GRM5: variants seen among roughly 807,000 people sequenced by gnomAD.
GRM5 encodes the protein metabotropic glutamate receptor 5.
GRM5 carries 19 observed loss-of-function variants against 83.1 expected under a neutral mutation model. That is an observed-to-expected ratio of 0.23 (90% CI 0.16 to 0.34). The LOEUF is 0.34. GRM5 is among the 10% of genes least tolerant of loss of function. The probability of loss-of-function intolerance (pLI) is 1.00; values close to 1 mark genes in which losing one functional copy is unlikely to be tolerated. For synonymous variants in GRM5, 675 were observed against 633.6 expected (o/e 1.07, Z -0.98); for missense variants, 1,160 against 1,588.3 (o/e 0.73, Z 4.58).
intron 8 of GRM5, among the ~76,000 whole-genome samples, chr11:88,534,810 T>C (rs1310066960): frequency 6.6e-6 from 1 of 152,172 alleles, no homozygotes; most frequent in East Asian, 1.9e-4. Flanking sequence ...ATGATTCCCA[T>C]GTGTTGTGGG....
intron 3 of GRM5, among the ~76,000 whole-genome samples, chr11:88,706,776 T>C (rs1260785138): frequency 2.0e-5 from 3 of 151,716 alleles, no homozygotes; most frequent in Non-Finnish European, 4.4e-5. Flanking sequence ...ATGCTTATAA[T>C]TCCTCAACAT....
Position 89,047,330 on chromosome 11 carries a change from G to A in GRM5, c.543C>T (p.Asp181=). ...AYSATSMDLS[D]KTLFKYFMRV... ...TCATGAAATATTTGAACAGAGTCTT[G>A]TCACTCAGATCCATGCTGGTTGCTG... Residue 181 remains aspartate, a synonymous_variant, in exon 2 of 10, where the codon GAC becomes GAT. Transcript: ENST00000305447. This position sits in a 1 kb window ranked among gnomAD's most constrained non-coding sequence, Gnocchi z 5.1. 6.2e-7 allele frequency: 1 copy of A among 1,613,896 alleles called. No individual in the cohort carries two copies. Among genetic ancestry groups the A allele is most frequent in the South Asian group, 1.1e-5 (1 of 91,066 alleles).
At chr11:88,577,438 T>C (rs1222614588) in intron 7 of GRM5, among the ~76,000 whole-genome samples, 1 of 152,146 alleles carries the variant, frequency 6.6e-6, no homozygotes, top group Non-Finnish European at 1.5e-5. Context: ...ACAGCACAGC[T>C]ACAGCATTTC....
In GRM5 at chr11:89,034,714, T is replaced by C. The variant is rs564440445; in HGVS notation, c.661+12498A>G. 4.6e-5 allele frequency among the ~76,000 whole-genome samples: 7 copies of C among 151,936 alleles called. No homozygotes were observed. The East Asian group carries it at 5.8e-4, about 13-fold the overall frequency. Reference sequence around the variant, plus strand: ...TGCTTTCATGGACTATATATTTGCATTGAAATGCAAATATCTGTATTTCAT... The same window carrying C: ...TGCTTTCATGGACTATATATTTGCACTGAAATGCAAATATCTGTATTTCAT... On this transcript the variant is annotated intron_variant, in intron 2 of 9. Transcript: ENST00000305447.
At chr11:89,028,098 C>T (rs1466337623) in intron 2 of GRM5, among the ~76,000 whole-genome samples, 1 of 152,166 alleles carries the variant, frequency 6.6e-6, no homozygotes, top group Non-Finnish European at 1.5e-5. Flanking sequence ...GATACTGGAC[C>T]TTCCAGCCAA....
intron 2 of GRM5, among the ~76,000 whole-genome samples, chr11:88,944,374 T>G (rs568927613): frequency 6.6e-6 from 1 of 152,068 alleles, no homozygotes; most frequent in South Asian, 2.1e-4. Context: ...GTTGTTAAAT[T>G]ATTCCTTTAT....
At chr11:89,049,475 C>T (rs1284613501) in intron 1 of GRM5, among the ~76,000 whole-genome samples, 1 of 152,140 alleles carries the variant, frequency 6.6e-6, no homozygotes, top group Admixed American at 6.5e-5. Context: ...CTTTCAAATA[C>T]AGGTGATGTT....
chr11:88,596,183 A>G (rs1013916342), intron 6 of GRM5, among the ~76,000 whole-genome samples: 2 of 151,948 alleles, frequency 1.3e-5, no homozygotes, highest in Non-Finnish European at 2.9e-5. Flanking sequence ...ATCTTCCACA[A>G]CTCGGCATCA....
At chr11:88,833,418 C>CA (rs1944034166) in intron 3 of GRM5, among the ~76,000 whole-genome samples, 1 of 151,852 alleles carries the variant, frequency 6.6e-6, no homozygotes, top group African/African-American at 2.4e-5. Flanking sequence ...AAATGTAAGT[C>CA]AAAACCACAG....
intron 2 of GRM5, among the ~76,000 whole-genome samples, chr11:88,926,861 C>T (rs1945798269): frequency 1.3e-5 from 2 of 152,168 alleles, no homozygotes; most frequent in South Asian, 4.1e-4. Flanking sequence ...TCAGCAAATA[C>T]TTGTTCAATG....
chr11:88,739,476 T>C (rs1049528050), intron 3 of GRM5, among the ~76,000 whole-genome samples: 2 of 152,116 alleles, frequency 1.3e-5, no homozygotes, highest in Admixed American at 1.3e-4. Flanking sequence ...TTTCAGCCTT[T>C]CTTTGTTTTT....
chr11:88,561,731 C>A (rs1942759194), intron 8 of GRM5, among the ~76,000 whole-genome samples: 1 of 152,080 alleles, frequency 6.6e-6, no homozygotes, highest in South Asian at 2.1e-4. Context: ...ACATTGATGG[C>A]ATAAATAGCA....
At chr11:88,536,299 C>A (rs911723811) in intron 8 of GRM5, among the ~76,000 whole-genome samples, 2 of 151,850 alleles carry the variant, frequency 1.3e-5, no homozygotes, top group Admixed American at 1.3e-4. Flanking sequence ...AGAAAATGAA[C>A]CTCAGTGGGC....
At chr11:88,605,837 G>C (rs112560905) in intron 4 of GRM5, among the ~76,000 whole-genome samples, 2 of 152,354 alleles carry the variant, frequency 1.3e-5, no homozygotes, top group African/African-American at 4.8e-5. Context: ...CTTAGTGCCT[G>C]TTATTTCTAA....
At chr11:88,515,094 A>G (rs1401293953) in intron 9 of GRM5, among the ~76,000 whole-genome samples, 2 of 152,152 alleles carry the variant, frequency 1.3e-5, no homozygotes, top group East Asian at 3.9e-4. Context: ...CAGAAGCTAC[A>G]TGTTCATTCA....
intron 2 of GRM5, among the ~76,000 whole-genome samples, chr11:88,893,239 C>T (rs1280255486): frequency 6.6e-6 from 1 of 151,596 alleles, no homozygotes; most frequent in African/African-American, 2.4e-5. Flanking sequence ...CACACCCTGG[C>T]TATATACAAA....
At chr11:88,866,548 T>C (rs1353691043) in intron 2 of GRM5, among the ~76,000 whole-genome samples, 2 of 151,712 alleles carry the variant, frequency 1.3e-5, no homozygotes, top group Non-Finnish European at 2.9e-5. Flanking sequence ...ATTTAGAGTA[T>C]AATAAAAAAT....
rs1237847036 is a variant in GRM5 at position 88,506,219 on chromosome 11, T to C, written c.*2373A>G. 1.3e-5 allele frequency: 2 copies of C among 152,172 alleles called. No individual in the cohort carries two copies. Among genetic ancestry groups the C allele is most frequent in the East Asian group, 1.9e-4 (1 of 5,206 alleles). 9.4% of individuals were successfully genotyped at this position (152,172 alleles called of 1,614,324 possible). A position where few individuals can be genotyped will look rare whatever the true frequency, so the allele number is the denominator to read the frequency against. ...GTTTTTTATAAGGTAGTGTGCTTTTTAAGAGATATGTTACTAAAAAAATAG... is the reference window on the plus strand; with the variant it reads ...GTTTTTTATAAGGTAGTGTGCTTTTCAAGAGATATGTTACTAAAAAAATAG... On this transcript the variant is annotated 3_prime_UTR_variant, in exon 10 of 10. Transcript: ENST00000305447.
chr11:88,543,772 G>T (rs1257614924), intron 8 of GRM5, among the ~76,000 whole-genome samples: 1 of 151,668 alleles, frequency 6.6e-6, no homozygotes, highest in African/African-American at 2.4e-5. Context: ...GAAGAGAAAA[G>T]TTATCTGGGG....
Sources: allele counts gnomAD v4.1 joint callset (sites outside exome capture counted in the v4.1 genomes callset), GRCh38; gene constraint gnomAD v4.1.1; non-coding constraint Gnocchi (gnomAD v3.1); transcripts MANE v1.5; gene names NCBI Gene and HGNC (gene_info 2026-07-23, HGNC 2026-07-21).